Variants in BMERB1 observed in about 807,000 individuals in gnomAD.
The protein encoded by BMERB1 is bMERB domain containing 1.
In BMERB1, 12 loss-of-function variants were observed where a neutral mutation model predicts 23.6. That is an observed-to-expected ratio of 0.51 (90% CI 0.33 to 0.82). The LOEUF (loss-of-function observed/expected upper bound fraction) is 0.82. BMERB1 is among the 40% of genes least tolerant of loss of function. The probability of loss-of-function intolerance (pLI) is 0.03; values close to 1 mark genes in which losing one functional copy is unlikely to be tolerated. For synonymous variants in BMERB1, 122 were observed against 96.6 expected (o/e 1.26, Z -1.54); for missense variants, 247 against 255.4 (o/e 0.97, Z 0.22).
chr16:15,509,426 T>C (rs1025523923), intron 1 of BMERB1, among the ~76,000 whole-genome samples: 1 of 152,068 alleles, frequency 6.6e-6, no homozygotes, highest in Non-Finnish European at 1.5e-5. Context: ...TTTCCTTCTC[T>C]AAGCCTCAGA....
At chr16:15,502,326 G>C (rs1167995457) in intron 1 of BMERB1, 1 of 1,551,304 alleles carries the variant, frequency 6.4e-7, no homozygotes, top group Non-Finnish European at 8.7e-7. Context: ...TCTTCCATGT[G>C]GGGCGACCTC....
chr16:15,460,336 G>A (rs1322253299), intron 1 of BMERB1, among the ~76,000 whole-genome samples: 1 of 152,096 alleles, frequency 6.6e-6, no homozygotes, highest in African/African-American at 2.4e-5. Flanking sequence ...GGCTAGAGAA[G>A]GGTCAGAGGA....
At position 15,438,232 on chromosome 16, in the gene BMERB1, G is replaced by A. The variant is rs964463851; in HGVS notation, c.106+3473G>A. 7.4e-5 allele frequency among the ~76,000 whole-genome samples: 11 copies of A among 148,224 alleles called. No individual in the cohort carries two copies. The South Asian group carries it at 1.3e-3, about 18-fold the overall frequency. Reference sequence around the variant, plus strand: ...CTCCCAAGTAGCTGGGACTACAGGCGCCTGCCACCACGCTCAACTAATTTT... The same window carrying A: ...CTCCCAAGTAGCTGGGACTACAGGCACCTGCCACCACGCTCAACTAATTTT... On this transcript the variant is annotated intron_variant, in intron 1 of 5. Coordinates refer to ENST00000300006, the MANE Select transcript of BMERB1 (RefSeq NM_033201.3).
intron 3 of BMERB1, among the ~76,000 whole-genome samples, chr16:15,578,085 C>A (rs1400887418): frequency 6.6e-6 from 1 of 152,236 alleles, no homozygotes; most frequent in African/African-American, 2.4e-5. Context: ...CCTCTCCTTT[C>A]TTGCTCATGG....
intron 1 of BMERB1, among the ~76,000 whole-genome samples, chr16:15,508,644 C>G (rs2051621003): frequency 1.3e-5 from 2 of 151,686 alleles, no homozygotes; most frequent in Admixed American, 6.6e-5. Flanking sequence ...GGCAACATGG[C>G]AAAACCCCAT....
chr16:15,529,087 C>T (rs1196828059), intron 2 of BMERB1, among the ~76,000 whole-genome samples: 3 of 152,096 alleles, frequency 2.0e-5, no homozygotes, highest in Non-Finnish European at 2.9e-5. Flanking sequence ...TGCAGTGGTG[C>T]GATCTTGGCT....
At chr16:15,543,770 A>G (rs1598508693) in intron 2 of BMERB1, among the ~76,000 whole-genome samples, 1 of 152,116 alleles carries the variant, frequency 6.6e-6, no homozygotes, top group East Asian at 1.9e-4. Context: ...GCAGTGAGCT[A>G]TGATTATACC....
chr16:15,576,131 G>A (rs549986029), intron 3 of BMERB1, among the ~76,000 whole-genome samples: 8 of 151,064 alleles, frequency 5.3e-5, no homozygotes, highest in Admixed American at 6.6e-5. Context: ...CTCCGCCTCC[G>A]GGGTTCAAGT....
intron 1 of BMERB1, among the ~76,000 whole-genome samples, chr16:15,458,013 A>G (rs1175782915): frequency 6.6e-6 from 1 of 152,190 alleles, no homozygotes; most frequent in Non-Finnish European, 1.5e-5. Context: ...CGAGAACAGC[A>G]TAGGGAAAAC....
intron 2 of BMERB1, among the ~76,000 whole-genome samples, chr16:15,567,364 G>A (rs1452237174): frequency 2.0e-5 from 3 of 152,098 alleles, no homozygotes; most frequent in Non-Finnish European, 4.4e-5. Flanking sequence ...GCTGAAAAAC[G>A]AAACTGAATA....
At position 15,469,035 on chromosome 16, in the gene BMERB1, A is replaced by C. The variant is rs1363332450; in HGVS notation, c.106+34276A>C. ...CAGGCTGGAGTCCGGTGGTGCAGTC[A>C]CAGCTCACTGCAACCTCCACCTCCT... On this transcript the variant is annotated intron_variant, in intron 1 of 5. Coordinates refer to ENST00000300006, the MANE Select transcript of BMERB1 (RefSeq NM_033201.3). Among the ~76,000 whole-genome samples, 4 of 145,312 alleles carry C rather than the reference A, an allele frequency of 2.8e-5. No individual in the cohort carries two copies. The Admixed American group carries it at 2.9e-4, about 10-fold the overall frequency.
Position 15,588,152 on chromosome 16 carries a change from ACAT to A in BMERB1, c.*1327_*1329del, listed in dbSNP as rs2031201251. ...TTTTTTGTGCATTTTTTCATCGTTG[ACAT>A]CATATTGTGGTATCATTTATAACCA... On this transcript the variant is annotated 3_prime_UTR_variant, in exon 6 of 6. Transcript: ENST00000300006. The A allele has an allele frequency of 6.6e-6, 1 of 152,146 alleles. No homozygotes were observed. Among genetic ancestry groups the A allele is most frequent in the Non-Finnish European group, 1.5e-5 (1 of 68,042 alleles). 9.4% of individuals were successfully genotyped at this position (152,146 alleles called of 1,614,324 possible). A position where few individuals can be genotyped will look rare whatever the true frequency, so the allele number is the denominator to read the frequency against.
chr16:15,489,383 C>A (rs531810504), intron 1 of BMERB1, among the ~76,000 whole-genome samples: 2 of 152,252 alleles, frequency 1.3e-5, no homozygotes, highest in East Asian at 3.9e-4. Flanking sequence ...CGGGAAATTG[C>A]TGTTCCTACC....
intron 2 of BMERB1, among the ~76,000 whole-genome samples, chr16:15,516,108 G>T (rs974301422): frequency 3.3e-5 from 5 of 152,058 alleles, no homozygotes; most frequent in African/African-American, 1.2e-4. Context: ...TTGGGTGACA[G>T]AGAGAGGCAC....
At chr16:15,519,737 A>G (rs996351675) in intron 2 of BMERB1, among the ~76,000 whole-genome samples, 1 of 152,076 alleles carries the variant, frequency 6.6e-6, no homozygotes, top group African/African-American at 2.4e-5. Context: ...CCCAGCCCCA[A>G]AGCTCTGGCA....
At chr16:15,576,762 T>C (rs2150975492) in intron 3 of BMERB1, among the ~76,000 whole-genome samples, 1 of 152,050 alleles carries the variant, frequency 6.6e-6, no homozygotes, top group African/African-American at 2.4e-5. Context: ...TGAAGTAGTG[T>C]TGTTGACTGG....
chr16:15,506,698 G>GA (rs77682394), intron 1 of BMERB1, among the ~76,000 whole-genome samples: 244 of 136,476 alleles, frequency 1.8e-3, no homozygotes, highest in Middle Eastern at 7.7e-3. Flanking sequence ...TAATTTCCCA[G>GA]AAAAAAAAAA....
intron 2 of BMERB1, among the ~76,000 whole-genome samples, chr16:15,550,849 A>G (rs1486484699): frequency 6.6e-6 from 1 of 152,124 alleles, no homozygotes; most frequent in Admixed American, 6.6e-5. Context: ...AGAGTTCTGT[A>G]AAGTGGAGAA....
chr16:15,452,267 TG>T (rs747289554), intron 1 of BMERB1, among the ~76,000 whole-genome samples: 57 of 122,784 alleles, frequency 4.6e-4, no homozygotes, highest in Non-Finnish European at 2.1e-4. Flanking sequence ...GGAGACAGAG[TG>T]AGACCCTGTC....
Sources: allele counts gnomAD v4.1 joint callset (sites outside exome capture counted in the v4.1 genomes callset), GRCh38; gene constraint gnomAD v4.1.1; transcripts MANE v1.5; gene names NCBI Gene and HGNC (gene_info 2026-07-23, HGNC 2026-07-21).